Variants in DOCK8 observed in about 807,000 individuals in gnomAD.
DOCK8 encodes dedicator of cytokinesis 8, also known as dedicator of cytokinesis protein 8.
In DOCK8, 141 loss-of-function variants were observed where a neutral mutation model predicts 245.6. The observed-to-expected ratio is 0.57, with a 90% CI of 0.50 to 0.66. The LOEUF is 0.66. Ranked by LOEUF, DOCK8 falls within the 30% of genes least tolerant of loss-of-function variation. DOCK8 has a pLI of 0.00. For synonymous variants in DOCK8, 1,168 were observed against 970.2 expected, an observed-to-expected ratio of 1.20 and a Z score of -3.79; for missense variants, 2,965 against 2,603.4, an observed-to-expected ratio of 1.14 and a Z score of -3.02.
At chr9:293,856 C>A (rs2049145749) in intron 4 of DOCK8, among the ~76,000 whole-genome samples, 1 of 152,146 alleles carries the variant, frequency 6.6e-6, no homozygotes, top group Non-Finnish European at 1.5e-5. Context: ...TGGTTATGTG[C>A]CAAATCATGT....
chr9:332,688 T>C (rs958676183), intron 10 of DOCK8, among the ~76,000 whole-genome samples: 28 of 133,292 alleles, frequency 2.1e-4, no homozygotes, highest in Non-Finnish European at 3.9e-4. Flanking sequence ...GGCAGTGTCT[T>C]ACTTTATCTC....
intron 9 of DOCK8, among the ~76,000 whole-genome samples, chr9:331,151 A>G (rs939003396): frequency 6.6e-6 from 1 of 152,204 alleles, no homozygotes; most frequent in Non-Finnish European, 1.5e-5. Flanking sequence ...CTTCAGGAGA[A>G]TGGGGGCAGT....
At chr9:287,738 C>T (rs548343834) in intron 3 of DOCK8, among the ~76,000 whole-genome samples, 16 of 152,338 alleles carry the variant, frequency 1.1e-4, no homozygotes, top group East Asian at 3.9e-4. Context: ...CCCCCATTTT[C>T]AGTCCATTTA....
At chr9:453,004 A>G (rs1284125578) in intron 46 of DOCK8, 1 of 152,250 alleles carries the variant, frequency 6.6e-6, no homozygotes, top group Non-Finnish European at 1.5e-5. Context: ...TCTATTCAAA[A>G]CCTTAGAGAA....
chr9:423,128 T>C (rs1275240899), intron 33 of DOCK8, among the ~76,000 whole-genome samples: 1 of 152,228 alleles, frequency 6.6e-6, no homozygotes, highest in Admixed American at 6.5e-5. Flanking sequence ...TTTTCTCTTT[T>C]ATACTTTGCT....
At chr9:407,214 T>C (rs2055473481) in intron 28 of DOCK8, 145 bp downstream of exon 28, 5 of 1,296,682 alleles carry the variant, frequency 3.9e-6, no homozygotes, top group Non-Finnish European at 5.4e-6. Context: ...GTCTTGAGAA[T>C]ATGGTACCCA....
rs1563844740 is a variant in DOCK8 at position 255,668 on chromosome 9, C to CGAAAAAAAAAAAAA, written c.54-15959_54-15958insGAAAAAAAAAAAAA. Reference sequence around the variant, plus strand: ...GGGGGATAGAGCAAGACTCCATCTCCAAAAAAAAAAAAAAAAAAAAAAAAA... The same window carrying CGAAAAAAAAAAAAA: ...GGGGGATAGAGCAAGACTCCATCTCCGAAAAAAAAAAAAAAAAAAAAAAAAAAAAAAAAAAAAAA... On this transcript the variant is annotated intron_variant, in intron 1 of 47. Transcript: ENST00000432829. 8.5e-5 allele frequency among the ~76,000 whole-genome samples: 2 copies of CGAAAAAAAAAAAAA among 23,504 alleles called. 1 individual carries two copies. The highest frequency in any genetic ancestry group is 1.5e-4 in the Non-Finnish European group (2 of 13,074). The allele number at this position is 23,504 out of a possible 152,430, so 15.4% of individuals were successfully genotyped here. A position where few individuals can be genotyped will look rare whatever the true frequency, so the allele number is the denominator to read the frequency against.
At chr9:211,954 A>C (rs1393829666), upstream of DOCK8, among the ~76,000 whole-genome samples, 1 of 152,156 alleles carries the variant, frequency 6.6e-6, no homozygotes, top group Non-Finnish European at 1.5e-5. Flanking sequence ...GGGTAGATGG[A>C]GAATTTTAGT....
At chr9:219,808 G>A (rs1355315513) in intron 1 of DOCK8, among the ~76,000 whole-genome samples, 3 of 152,062 alleles carry the variant, frequency 2.0e-5, no homozygotes, top group African/African-American at 7.2e-5. Context: ...GAGATGGGAG[G>A]ATCACTCGAA....
chr9:395,677 A>G (rs368178161), intron 24 of DOCK8, among the ~76,000 whole-genome samples: 7 of 152,138 alleles, frequency 4.6e-5, no homozygotes, highest in Non-Finnish European at 8.8e-5. Context: ...AGTGTAAGCA[A>G]CTTCCAACAA....
In DOCK8 at chr9:238,370, G is replaced by A. The variant is rs10117655; in HGVS notation, c.53+23341G>A. Among the ~76,000 whole-genome samples, 875 of 152,314 alleles carry A rather than the reference G, an allele frequency of 5.7e-3. 5 individuals are homozygous for A. The highest frequency in any genetic ancestry group is 0.02 in the African/African-American group (814 of 41,562). ...TGAAACATCTGTAAAATGGGAATAA[G>A]TACCACGTTTCTGAGGTAGCATGTA... On this transcript the variant is annotated intron_variant, in intron 1 of 47. Transcript: ENST00000432829.
chr9:421,166 C>T (rs2056261613), intron 32 of DOCK8, 88 bp downstream of exon 32: 16 of 1,546,130 alleles, frequency 1.0e-5, no homozygotes, highest in Admixed American at 3.3e-5. Context: ...GATTAGACAC[C>T]ATTACTTTCT....
chr9:313,847 A>C (rs1255696357), intron 6 of DOCK8, among the ~76,000 whole-genome samples: 1 of 152,382 alleles, frequency 6.6e-6, no homozygotes, highest in South Asian at 2.1e-4. Context: ...GCATAGATCA[A>C]AACATTACTT....
intron 1 of DOCK8, among the ~76,000 whole-genome samples, chr9:248,447 CTCCTTCCT>C (rs780888639): frequency 4.8e-5 from 7 of 146,976 alleles, no homozygotes; most frequent in African/African-American, 1.6e-4. Context: ...TGTCTTTCCC[CTCCTTCCT>C]TCCTTCCTTC....
chr9:394,688 G>T (rs777705499), intron 24 of DOCK8, among the ~76,000 whole-genome samples: 3 of 152,204 alleles, frequency 2.0e-5, no homozygotes, highest in South Asian at 2.1e-4. Flanking sequence ...ACTCACTCAG[G>T]ACATGAAGTT....
intron 28 of DOCK8, among the ~76,000 whole-genome samples, chr9:408,885 C>CAT (rs1554696118): frequency 8.1e-6 from 1 of 123,280 alleles, no homozygotes; most frequent in Non-Finnish European, 1.6e-5. Flanking sequence ...CACACACACA[C>CAT]ACGCACACAC....
Position 214,904 on chromosome 9 carries a change from C to T in DOCK8, c.-73C>T, listed in dbSNP as rs2046702569. 1 of 1,604,218 alleles carries T rather than the reference C, an allele frequency of 6.2e-7. No homozygotes were observed. Among genetic ancestry groups the T allele is most frequent in the South Asian group, 1.1e-5 (1 of 89,808 alleles). On this transcript the variant is annotated 5_prime_UTR_variant, in exon 1 of 48. Coordinates refer to ENST00000432829, the MANE Select transcript of DOCK8 (RefSeq NM_203447.4). ...GCGCTTGGCTGGGCATGTTCCGCGG[C>T]TACTCTGCGGCGCGCCAGGCCCCCG... is the stretch of plus-strand genomic sequence containing the variant.
At position 418,145 on chromosome 9, in the gene DOCK8, G is replaced by T; in HGVS notation, c.3778G>T (p.Ala1260Ser). The T allele has an allele frequency of 6.2e-7, 1 of 1,614,228 alleles. No homozygotes were observed. ...EGAGAINQNVALAIAGNNFNL... is the reference protein window; with the variant it reads ...EGAGAINQNVSLAIAGNNFNL... ...AGCCGGTGCCATTAACCAGAATGTGGCTCTGGCCATAGCAGGGAATAATTT... is the reference window on the plus strand; with the variant it reads ...AGCCGGTGCCATTAACCAGAATGTGTCTCTGGCCATAGCAGGGAATAATTT... Residue 1260 changes from alanine (A) to serine (S), a missense_variant, in exon 30 of 48, where the codon GCT becomes TCT. Transcript: ENST00000432829.
intron 5 of DOCK8, among the ~76,000 whole-genome samples, 177 bp from the exon 6 acceptor site, chr9:311,777 T>G (rs1037734530): frequency 6.6e-6 from 1 of 152,208 alleles, no homozygotes; most frequent in African/African-American, 2.4e-5. Flanking sequence ...TTTAGAGTAG[T>G]CCAGCCAGGA....
Sources: gnomAD v4.1 joint callset for allele counts (sites outside exome capture counted in the v4.1 genomes callset) on GRCh38, gnomAD v4.1.1 for gene constraint, MANE v1.5 for transcripts, NCBI Gene and HGNC (gene_info 2026-07-23, HGNC 2026-07-21) for gene names.